Variants in RYK observed in about 807,000 individuals in gnomAD.
RYK encodes inactive tyrosine-protein kinase RYK.
Under a neutral mutation model 70.2 loss-of-function variants are expected in RYK, and 21 were observed. The observed-to-expected ratio is 0.30, with a 90% confidence interval of 0.21 to 0.43. The LOEUF (loss-of-function observed/expected upper bound fraction) is 0.43. Among genes scored for constraint, RYK ranks in the 20% least tolerant of loss-of-function variants. The pLI is 1.00. For missense variants in RYK, 604 were observed against 753.3 expected (o/e 0.80, Z 2.32); for synonymous variants, 267 against 278.0 (o/e 0.96, Z 0.39).
intron 13 of RYK, among the ~76,000 whole-genome samples, 190 bp from the exon 14 acceptor site, chr3:134,159,563 A>G (rs1576498070): frequency 6.6e-6 from 1 of 152,246 alleles, no homozygotes; most frequent in East Asian, 1.9e-4. Flanking sequence ...AGTGCATCCA[A>G]TATTAGTATT....
At chr3:134,234,742 T>C (rs978562910) in intron 1 of RYK, among the ~76,000 whole-genome samples, 1 of 152,100 alleles carries the variant, frequency 6.6e-6, no homozygotes, top group Non-Finnish European at 1.5e-5. Context: ...ACTTTTGTTT[T>C]TAATAGGGGA....
chr3:134,231,635 C>T (rs1560026401), intron 1 of RYK, among the ~76,000 whole-genome samples: 1 of 152,112 alleles, frequency 6.6e-6, no homozygotes, highest in Non-Finnish European at 1.5e-5. Context: ...CACTAATACC[C>T]CTCTGACTTC....
chr3:134,165,497 C>T (rs1240720022), intron 13 of RYK, among the ~76,000 whole-genome samples: 2 of 152,174 alleles, frequency 1.3e-5, no homozygotes, highest in Non-Finnish European at 2.9e-5. Context: ...TTTCTGTAGA[C>T]GCCCTTTACC....
Position 134,211,624 on chromosome 3 carries a change from A to G in RYK, c.355-17T>C. The G allele has an allele frequency of 5.8e-6, 9 of 1,546,048 alleles. No homozygotes were observed. The highest frequency in any genetic ancestry group is 8.0e-6 in the Non-Finnish European group (9 of 1,118,930). ...ATATTCAACCTGTAAAATAGACAAA[A>G]ATAAACAAAATGGACCTGTGATAAC... On this transcript the variant is annotated splice_polypyrimidine_tract_variant and intron_variant, in intron 2 of 14. Transcript: ENST00000623711.
chr3:134,175,819 G>C lies in RYK; in HGVS notation c.1416-51C>G, dbSNP rs2013081531. 53 of 1,598,246 alleles carry C rather than the reference G, an allele frequency of 3.3e-5. No individual in the cohort carries two copies. In the South Asian group the frequency reaches 5.5e-4, roughly 17 times the overall value. ...AATGCAATCAGAGTATTAAAAAGTA[G>C]GGATCATCACCACCCTTAAATACAA... On this transcript the variant is annotated intron_variant, in intron 12 of 14. Transcript: ENST00000623711.
At chr3:134,187,520 T>C (rs1359564537) in intron 9 of RYK, among the ~76,000 whole-genome samples, 1 of 152,160 alleles carries the variant, frequency 6.6e-6, no homozygotes, top group Non-Finnish European at 1.5e-5. Flanking sequence ...TCTTTCTCTC[T>C]AGATAAGCAA....
At chr3:134,209,620 G>T in intron 4 of RYK, 75 bp downstream of exon 4, 2 of 1,123,890 alleles carry the variant, frequency 1.8e-6, no homozygotes, top group Non-Finnish European at 2.4e-6. Flanking sequence ...ACTTAAATCT[G>T]TGAAAAAACA....
rs1476359752 is a variant in RYK at position 134,157,949 on chromosome 3, C to T, written c.*204G>A. On this transcript the variant is annotated 3_prime_UTR_variant, in exon 15 of 15. Coordinates refer to ENST00000623711, the MANE Select transcript of RYK (RefSeq NM_002958.4). ...ATTTACAAAAACCCTTTCAGTTCAA[C>T]CTAATAAAAGTGATATCTAGAAAAT... 5.2e-6 allele frequency: 2 copies of T among 384,650 alleles called. No individual in the cohort carries two copies. The highest frequency in any genetic ancestry group is 9.1e-6 in the Non-Finnish European group (2 of 218,584). 23.8% of individuals were successfully genotyped at this position (384,650 alleles called of 1,614,324 possible).
At chr3:134,187,162 G>T (rs1279944791) in intron 9 of RYK, among the ~76,000 whole-genome samples, 2 of 152,152 alleles carry the variant, frequency 1.3e-5, no homozygotes, top group African/African-American at 4.8e-5. Context: ...AAAGAGGTGT[G>T]TGTGTATGGA....
At chr3:134,180,791 CCTG>C (rs2013267666) in intron 10 of RYK, 1 of 152,196 alleles carries the variant, frequency 6.6e-6, no homozygotes, top group African/African-American at 2.4e-5. Context: ...AACTAGGACT[CCTG>C]CTATCACCTC....
chr3:134,200,671 G>A (rs941885187), intron 6 of RYK, among the ~76,000 whole-genome samples: 1 of 152,094 alleles, frequency 6.6e-6, no homozygotes, highest in African/African-American at 2.4e-5. Flanking sequence ...ATACCTACTA[G>A]GTGTGTATTT....
chr3:134,198,009 A>AC (rs1034592955), intron 6 of RYK, among the ~76,000 whole-genome samples: 1 of 151,816 alleles, frequency 6.6e-6, no homozygotes, highest in Non-Finnish European at 1.5e-5. Flanking sequence ...TCAGAACGAA[A>AC]TTTTTTTTTG....
chr3:134,194,248 G>A (rs2013741803), intron 7 of RYK, among the ~76,000 whole-genome samples: 1 of 152,156 alleles, frequency 6.6e-6, no homozygotes, highest in Admixed American at 6.5e-5. Context: ...GGTATTCACT[G>A]GAGCCTTAGT....
chr3:134,196,941 C>G (rs1466580167), intron 6 of RYK, among the ~76,000 whole-genome samples: 2 of 152,124 alleles, frequency 1.3e-5, no homozygotes, highest in Non-Finnish European at 2.9e-5. Context: ...AAATGCCCCC[C>G]CAGCATGCCT....
chr3:134,192,730 T>TC (rs34439947), intron 7 of RYK, among the ~76,000 whole-genome samples: 1 of 152,118 alleles, frequency 6.6e-6, no homozygotes, highest in East Asian at 1.9e-4. Flanking sequence ...GGAAGAAACC[T>TC]CCCCCCAAAA....
chr3:134,212,727 G>T (rs1444280048), intron 2 of RYK, among the ~76,000 whole-genome samples: 1 of 152,156 alleles, frequency 6.6e-6, no homozygotes, highest in Admixed American at 6.5e-5. Context: ...TGAAAGAAAA[G>T]AGGGAAAGAG....
intron 8 of RYK, 119 bp from the exon 9 acceptor site, chr3:134,189,042 C>A: frequency 1.8e-6 from 1 of 565,420 alleles, no homozygotes. Flanking sequence ...ATCAACATTA[C>A]TGTAGCCCTA....
chr3:134,196,510 T>C (rs1192714160), intron 6 of RYK, among the ~76,000 whole-genome samples: 1 of 151,452 alleles, frequency 6.6e-6, no homozygotes, highest in Non-Finnish European at 1.5e-5. Flanking sequence ...GGAAGGCTGT[T>C]AGGCAGATCA....
At chr3:134,179,886 C>A (rs930716707) in intron 10 of RYK, 1 of 152,174 alleles carries the variant, frequency 6.6e-6, no homozygotes, top group African/African-American at 2.4e-5. Flanking sequence ...ATCTTTTATT[C>A]CACTACCACA....
Sources: gnomAD v4.1 joint callset for allele counts (sites outside exome capture counted in the v4.1 genomes callset) on GRCh38, gnomAD v4.1.1 for gene constraint, MANE v1.5 for transcripts, NCBI Gene and HGNC (gene_info 2026-07-23, HGNC 2026-07-21) for gene names.